The following INPP5A variants were observed in gnomAD, a reference collection of about 807,000 sequenced individuals.
INPP5A encodes inositol polyphosphate-5-phosphatase A, also known as 43 kDa inositol polyphosphate 5-phophatase.
A neutral mutation model predicts 65.2 loss-of-function variants in INPP5A; 14 were observed. The observed-to-expected ratio is 0.21, with a 90% CI of 0.14 to 0.34. The LOEUF (loss-of-function observed/expected upper bound fraction) is 0.34. INPP5A is among the 10% of genes least tolerant of loss of function. INPP5A has a pLI of 1.00. For synonymous variants in INPP5A, 207 were observed against 208.3 expected (o/e 0.99, Z 0.05); for missense variants, 431 against 545.6 (o/e 0.79, Z 2.09).
intron 12 of INPP5A, among the ~76,000 whole-genome samples, chr10:132,770,591 C>A (rs1378047314): frequency 6.6e-6 from 1 of 152,250 alleles, no homozygotes; most frequent in Non-Finnish European, 1.5e-5. Context: ...GGTGGCCTGG[C>A]CACTTCCCTC....
intron 2 of INPP5A, among the ~76,000 whole-genome samples, chr10:132,634,773 T>A (rs112055585): frequency 1.4e-4 from 21 of 152,396 alleles, no homozygotes; most frequent in African/African-American, 4.8e-4. Context: ...GTCCAATGAA[T>A]GTTGCCGCCA....
intron 1 of INPP5A, among the ~76,000 whole-genome samples, chr10:132,543,465 G>A (rs529737197): frequency 6.6e-6 from 1 of 152,246 alleles, no homozygotes; most frequent in South Asian, 2.1e-4. Flanking sequence ...CACCCAGACT[G>A]GAATGCAATG....
In INPP5A at chr10:132,587,870, G is replaced by C. The variant is rs749305126; in HGVS notation, c.76-20045G>C. On this transcript the variant is annotated intron_variant, in intron 1 of 15. Transcript: ENST00000368594. The surrounding 1 kb of genome is among the most constrained non-coding windows in gnomAD (Gnocchi z 4.3). ...TACTAAAAAGACAAAAAATTAGCCG[G>C]GCATGGTGGTGCACGCCTGTAATCC... Among the ~76,000 whole-genome samples the C allele has an allele frequency of 1.3e-5, 2 of 151,970 alleles. No homozygotes were observed. The highest frequency in any genetic ancestry group is 2.9e-5 in the Non-Finnish European group (2 of 68,004).
At position 132,722,852 on chromosome 10, in the gene INPP5A, C is replaced by T. The variant is rs187964941; in HGVS notation, c.648-3969C>T. ...TTAGGCACATGATATTGATGTGGGC[C>T]TACGTTTTAATCATAATAGCTACTG... is the stretch of plus-strand genomic sequence containing the variant. On this transcript the variant is annotated intron_variant, in intron 8 of 15. Coordinates refer to ENST00000368594, the MANE Select transcript of INPP5A (RefSeq NM_005539.5). Among the ~76,000 whole-genome samples, 60 of 152,266 alleles carry T rather than the reference C, an allele frequency of 3.9e-4. 1 individual carries two copies. The Middle Eastern group carries it at 0.01, about 26-fold the overall frequency.
intron 8 of INPP5A, among the ~76,000 whole-genome samples, chr10:132,715,868 T>G (rs1417651130): frequency 6.6e-6 from 1 of 152,176 alleles, no homozygotes; most frequent in Non-Finnish European, 1.5e-5. Flanking sequence ...AGGTCATGTG[T>G]CTGTGGAGCC....
Position 132,704,788 on chromosome 10 carries a change from A to C in INPP5A, c.475-3525A>C, listed in dbSNP as rs77912909. Among the ~76,000 whole-genome samples the C allele has an allele frequency of 6.8e-6, 1 of 146,798 alleles. No individual in the cohort carries two copies. Among genetic ancestry groups the C allele is most frequent in the African/African-American group, 2.6e-5 (1 of 39,150 alleles). ...AGCAGGCAGCTCCTCTGGAGTGTGG[A>C]GGATGGAGGAAGGGCGTCTGGACAG... On this transcript the variant is annotated intron_variant, in intron 6 of 15. Transcript: ENST00000368594. This position sits in a 1 kb window ranked among gnomAD's most constrained non-coding sequence, Gnocchi z 4.5.
At chr10:132,653,578 C>A (rs1004953317) in intron 4 of INPP5A, among the ~76,000 whole-genome samples, 25 of 152,286 alleles carry the variant, frequency 1.6e-4, no homozygotes, top group African/African-American at 6.0e-4. Flanking sequence ...AAAGACCTTG[C>A]CCCTGCCTCT....
At chr10:132,626,712 G>A (rs2072188514) in intron 2 of INPP5A, among the ~76,000 whole-genome samples, 1 of 152,234 alleles carries the variant, frequency 6.6e-6, no homozygotes, top group Admixed American at 6.5e-5. Flanking sequence ...AGATTGTCAA[G>A]GCTTGCTGTG....
intron 2 of INPP5A, among the ~76,000 whole-genome samples, chr10:132,638,598 C>T (rs959580908): frequency 6.6e-6 from 1 of 152,142 alleles, no homozygotes; most frequent in African/African-American, 2.4e-5. Context: ...GACAGAATGT[C>T]GCTCTGTCAC....
intron 4 of INPP5A, among the ~76,000 whole-genome samples, chr10:132,667,780 C>T (rs932185314): frequency 2.6e-5 from 4 of 152,136 alleles, no homozygotes; most frequent in Admixed American, 6.5e-5. Context: ...GGGCCGTGTG[C>T]GCTGCCCGGC....
intron 1 of INPP5A, among the ~76,000 whole-genome samples, chr10:132,593,163 C>A (rs2071640056): frequency 6.6e-6 from 1 of 152,162 alleles, no homozygotes; most frequent in Non-Finnish European, 1.5e-5. Flanking sequence ...TTTGATTAAC[C>A]TAAGATCAGC....
intron 2 of INPP5A, among the ~76,000 whole-genome samples, chr10:132,635,550 C>T (rs2072336538): frequency 6.6e-6 from 1 of 151,636 alleles, no homozygotes; most frequent in Non-Finnish European, 1.5e-5. Context: ...TGCCCGCCAC[C>T]ATGCCCGGCT....
intron 12 of INPP5A, among the ~76,000 whole-genome samples, chr10:132,767,729 GCGTTCC>G (rs1846874045): frequency 6.7e-6 from 1 of 149,898 alleles, no homozygotes; most frequent in Non-Finnish European, 1.5e-5. Flanking sequence ...CCGACCCTCA[GCGTTCC>G]CAGGGTGCCC....
At chr10:132,649,860 C>A (rs904746473) in intron 3 of INPP5A, among the ~76,000 whole-genome samples, 1 of 152,128 alleles carries the variant, frequency 6.6e-6, no homozygotes, top group Non-Finnish European at 1.5e-5. Context: ...TAAAATGTGA[C>A]CAGTAGGATG....
chr10:132,610,104 G>C (rs1001117096), intron 2 of INPP5A, among the ~76,000 whole-genome samples: 1 of 152,208 alleles, frequency 6.6e-6, no homozygotes, highest in Non-Finnish European at 1.5e-5. Context: ...GGCGGACACC[G>C]AGGTCCCGGC....
At chr10:132,611,980 G>C (rs1311438988) in intron 2 of INPP5A, among the ~76,000 whole-genome samples, 1 of 135,292 alleles carries the variant, frequency 7.4e-6, no homozygotes, top group African/African-American at 2.9e-5. Context: ...CAGGGGAGAG[G>C]CCCTGTCAGA....
chr10:132,566,624 G>T (rs759837830), intron 1 of INPP5A, among the ~76,000 whole-genome samples: 1 of 152,164 alleles, frequency 6.6e-6, no homozygotes, highest in African/African-American at 2.4e-5. Context: ...ACCTTGTTAG[G>T]TTATCTCGAT....
chr10:132,708,199 G>A, intron 6 of INPP5A, 114 bp from the exon 7 acceptor site: 1 of 867,100 alleles, frequency 1.2e-6, no homozygotes, highest in Non-Finnish European at 1.9e-6. Context: ...TGCCGGAAGA[G>A]CCCTGCTGTT....
rs1564976067 is a variant in INPP5A at position 132,710,453 on chromosome 10, A to G, written c.644A>G (p.Asp215Gly). 1 of 1,613,286 alleles carries G rather than the reference A, an allele frequency of 6.2e-7. No homozygotes were observed. The highest frequency in any genetic ancestry group is 1.3e-5 in the African/African-American group (1 of 74,916). The change falls in exon 8 of 16, where the codon GAC (aspartate) becomes GGC (glycine). Residue 215 changes from aspartate to glycine, a missense_variant. Coordinates refer to ENST00000368594, the MANE Select transcript of INPP5A (RefSeq NM_005539.5). ...CACAAGGCACTGGGCTACGTGCTGG[A>G]CAGGTAGGTGTGGGCGGGCAGGTAG... ...IRHKALGYVL[D>G]RIIDQRFEKV... is the part of the protein sequence containing the mutation.
Sources: gnomAD v4.1 joint callset for allele counts (sites outside exome capture counted in the v4.1 genomes callset) on GRCh38, gnomAD v4.1.1 for gene constraint, Gnocchi (gnomAD v3.1) non-coding constraint, MANE v1.5 for transcripts, NCBI Gene and HGNC (gene_info 2026-07-23, HGNC 2026-07-21) for gene names.